FERRY3: variants seen among roughly 807,000 people sequenced by gnomAD.
FERRY3 encodes the protein FERRY endosomal RAB5 effector complex subunit 3.
chr12:4,521,117 T>C, the FERRY3 span, among the ~76,000 whole-genome samples: 33 of 152,056 alleles, frequency 2.2e-4, no homozygotes, highest in Non-Finnish European at 3.7e-4. Context: ...TCCCAGCACT[T>C]TGGGAGGCCG....
the FERRY3 span, chr12:4,491,167 T>C: frequency 6.2e-7 from 1 of 1,612,396 alleles, no homozygotes; most frequent in Non-Finnish European, 8.5e-7. Context: ...AGAGAGAAGA[T>C]TATGCTCACC....
chr12:4,513,437 T>G, the FERRY3 span, among the ~76,000 whole-genome samples: 1 of 150,466 alleles, frequency 6.6e-6, no homozygotes, highest in Admixed American at 6.6e-5. Context: ...CATCGCCAAG[T>G]CAATCCTAAG....
chr12:4,513,108 G>A, the FERRY3 span, among the ~76,000 whole-genome samples: 47 of 56,874 alleles, frequency 8.3e-4, 1 homozygote, highest in East Asian at 0.01. Flanking sequence ...CAGACAAACA[G>A]AGAGCCAAAT....
At chr12:4,534,221 G>C in the FERRY3 span, 1 of 1,612,626 alleles carries the variant, frequency 6.2e-7, no homozygotes, top group African/African-American at 1.3e-5. Context: ...TGATTTCACA[G>C]CTGCCAGGGA....
the FERRY3 span, chr12:4,505,353 T>C: frequency 6.2e-7 from 1 of 1,606,174 alleles, no homozygotes; most frequent in African/African-American, 1.3e-5. Flanking sequence ...AGTCTTATCA[T>C]CATTTCCTCC....
At chr12:4,507,847 A>T in the FERRY3 span, among the ~76,000 whole-genome samples, 3 of 152,192 alleles carry the variant, frequency 2.0e-5, no homozygotes, top group Non-Finnish European at 4.4e-5. Context: ...GAAAATAAGT[A>T]CACACATACA....
At chr12:4,496,516 G>A in the FERRY3 span, among the ~76,000 whole-genome samples, 3 of 152,186 alleles carry the variant, frequency 2.0e-5, no homozygotes, top group African/African-American at 7.2e-5. Context: ...GAAGGATCAG[G>A]TGAAACACTA....
the FERRY3 span, chr12:4,502,373 T>G: frequency 2.2e-6 from 1 of 451,932 alleles, no homozygotes; most frequent in Non-Finnish European, 4.4e-6. The surrounding 1 kb of genome is among the most constrained non-coding windows in gnomAD (Gnocchi z 4.2). Context: ...GGCTGAACGC[T>G]GGAGCAGTCT....
the FERRY3 span, among the ~76,000 whole-genome samples, chr12:4,521,563 A>C: frequency 2.0e-5 from 3 of 152,232 alleles, no homozygotes; most frequent in African/African-American, 7.2e-5. Flanking sequence ...ACACACAAGG[A>C]ATTTTAGCAA....
chr12:4,517,226 G>T, the FERRY3 span: 1 of 1,485,306 alleles, frequency 6.7e-7, no homozygotes, highest in South Asian at 1.5e-5. Context: ...TTCTAAATGC[G>T]AACTATCAAA....
At chr12:4,534,922 G>C in the FERRY3 span, among the ~76,000 whole-genome samples, 2 of 152,080 alleles carry the variant, frequency 1.3e-5, no homozygotes, top group African/African-American at 4.8e-5. Context: ...AAGCCAAGTG[G>C]GTATAAGGAC....
the FERRY3 span, among the ~76,000 whole-genome samples, chr12:4,535,393 G>A: frequency 6.6e-6 from 1 of 152,190 alleles, no homozygotes; most frequent in Non-Finnish European, 1.5e-5. The surrounding 1 kb of genome is among the most constrained non-coding windows in gnomAD (Gnocchi z 4.0). Context: ...AAGAACCACT[G>A]CCTAGGGTAA....
chr12:4,537,421 G>A, the FERRY3 span, among the ~76,000 whole-genome samples: 1 of 152,128 alleles, frequency 6.6e-6, no homozygotes, highest in Non-Finnish European at 1.5e-5. Flanking sequence ...AAGGAATACT[G>A]TCTTGTATTC....
the FERRY3 span, among the ~76,000 whole-genome samples, chr12:4,526,859 GA>G: frequency 1.3e-5 from 2 of 150,764 alleles, no homozygotes; most frequent in Non-Finnish European, 3.0e-5. Flanking sequence ...AAAAAAGGGT[GA>G]ATTTATACTT....
At chr12:4,490,431 T>C in the FERRY3 span, 1 of 1,004,314 alleles carries the variant, frequency 1.0e-6, no homozygotes, top group Non-Finnish European at 1.4e-6. Flanking sequence ...TTGTGTTGTT[T>C]TTGGGATTTT....
the FERRY3 span, chr12:4,488,677 T>A: frequency 6.6e-6 from 1 of 152,190 alleles, no homozygotes; most frequent in African/African-American, 2.4e-5. This position sits in a 1 kb window ranked among gnomAD's most constrained non-coding sequence, Gnocchi z 4.9. Flanking sequence ...TGAAGGGCGT[T>A]TTGTTTCTTG....
At chr12:4,528,077 A>T in the FERRY3 span, among the ~76,000 whole-genome samples, 1 of 152,144 alleles carries the variant, frequency 6.6e-6, no homozygotes, top group Non-Finnish European at 1.5e-5. Context: ...TAGAGGCAGC[A>T]AACTATGCTG....
At chr12:4,507,505 T>C in the FERRY3 span, among the ~76,000 whole-genome samples, 4 of 149,556 alleles carry the variant, frequency 2.7e-5, no homozygotes, top group Non-Finnish European at 4.4e-5. Context: ...TATAAACGTA[T>C]GTGTCCTTTA....
At chr12:4,489,875 G>A in the FERRY3 span, 3 of 1,608,980 alleles carry the variant, frequency 1.9e-6, no homozygotes, top group South Asian at 1.1e-5. Context: ...TTACTAAGTT[G>A]ATAAAACATT....
Sources: allele counts gnomAD v4.1 joint callset (sites outside exome capture counted in the v4.1 genomes callset), GRCh38; gene constraint gnomAD v4.1.1; non-coding constraint Gnocchi (gnomAD v3.1); transcripts MANE v1.5; gene names NCBI Gene and HGNC (gene_info 2026-07-23, HGNC 2026-07-21).